POLN: variants seen among roughly 807,000 people sequenced by gnomAD.
POLN encodes the protein DNA polymerase N.
A neutral mutation model predicts 113.5 loss-of-function variants in POLN; 108 were observed. The ratio of observed to expected loss-of-function variants is 0.95; its 90% CI spans 0.81 to 1.12. The LOEUF is 1.12. Ranked by LOEUF, POLN falls within the 50% of genes most tolerant of loss-of-function variation. The pLI is 0.00. For missense variants in POLN, 1,097 were observed against 1,077.1 expected, an observed-to-expected ratio of 1.02 and a Z score of -0.26; for synonymous variants, 386 against 391.5, an observed-to-expected ratio of 0.99 and a Z score of 0.17.
intron 7 of POLN, among the ~76,000 whole-genome samples, chr4:2,189,505 G>A (rs1212265560): frequency 6.6e-6 from 1 of 151,508 alleles, no homozygotes; most frequent in African/African-American, 2.4e-5. Flanking sequence ...CAGGCATGGT[G>A]GCGGGCGCCT....
chr4:2,173,295 T>A (rs1175729400), intron 11 of POLN, among the ~76,000 whole-genome samples: 3 of 152,204 alleles, frequency 2.0e-5, no homozygotes, highest in Non-Finnish European at 4.4e-5. Flanking sequence ...TTAGCCTTTT[T>A]AAAAATTTGT....
chr4:2,080,613 C>G lies in POLN; in HGVS notation c.2387+345G>C, dbSNP rs1005136794. ...GCAGGGGTGGGGGCAGTTTGGAGTC[C>G]CCAGGGTCCTGCTCAAGGGGCTGAG... is the stretch of plus-strand genomic sequence containing the variant. On this transcript the variant is annotated intron_variant, in intron 23 of 25. Transcript: ENST00000511885. 1.2e-5 allele frequency: 15 copies of G among 1,230,742 alleles called. No homozygotes were observed. The East Asian group carries it at 4.2e-4, about 35-fold the overall frequency. 76.2% of individuals were successfully genotyped at this position (1,230,742 alleles called of 1,614,324 possible).
At chr4:2,199,251 A>G (rs1359449013) in intron 5 of POLN, among the ~76,000 whole-genome samples, 2 of 152,216 alleles carry the variant, frequency 1.3e-5, no homozygotes, top group East Asian at 3.8e-4. Flanking sequence ...TGTATGCTGA[A>G]AACTATAAAA....
In POLN at chr4:2,123,833, C is replaced by T. The variant is rs1027716004; in HGVS notation, c.1982+4280G>A. Among the ~76,000 whole-genome samples the T allele has an allele frequency of 2.6e-5, 4 of 151,532 alleles. No homozygotes were observed. The East Asian group carries it at 7.8e-4, about 29-fold the overall frequency. ...AAAAAACCAAAACCGAAGCCAAAAC[C>T]AAAACCAAACCTGTATACAAATGTG... On this transcript the variant is annotated intron_variant, in intron 19 of 25. Transcript: ENST00000511885.
intron 15 of POLN, 136 bp downstream of exon 15, chr4:2,157,722 C>CAAAAA (rs71644319): frequency 3.0e-5 from 4 of 134,688 alleles, no homozygotes; most frequent in Non-Finnish European, 4.0e-5. Context: ...GACTCTGTCT[C>CAAAAA]AAAAAAAAAA....
chr4:2,159,277 A>C lies in POLN; in HGVS notation c.1555-66T>G, dbSNP rs905458842. ...TTTAACATTTTAAACACGTATTTTC[A>C]TCTGGAGAAAGTCCTCATAATAAAT... is the stretch of plus-strand genomic sequence containing the variant. On this transcript the variant is annotated intron_variant, in intron 13 of 25. Transcript: ENST00000511885. The C allele has an allele frequency of 3.0e-6, 4 of 1,317,280 alleles. No individual in the cohort carries two copies. The African/African-American group carries it at 4.4e-5, about 15-fold the overall frequency. The allele number at this position is 1,317,280 out of a possible 1,614,324, so 81.6% of individuals were successfully genotyped here. A position where few individuals can be genotyped will look rare whatever the true frequency, so the allele number is the denominator to read the frequency against.
intron 16 of POLN, chr4:2,156,250 T>C (rs1732420994): frequency 2.9e-6 from 1 of 344,654 alleles, no homozygotes; most frequent in Admixed American, 3.9e-5. Flanking sequence ...TTTCTGTATC[T>C]AAGGAATTTT....
At chr4:2,096,442 T>C (rs1260142789) in intron 19 of POLN, among the ~76,000 whole-genome samples, 1 of 152,130 alleles carries the variant, frequency 6.6e-6, no homozygotes, top group African/African-American at 2.4e-5. Flanking sequence ...ACTCAGCATC[T>C]GACTGGCATG....
At chr4:2,173,508 C>CA (rs33977254) in intron 11 of POLN, among the ~76,000 whole-genome samples, 112,877 of 149,040 alleles carry the variant, frequency 0.76, 44,584 homozygotes, top group Non-Finnish European at 0.89. Context: ...TCATCTTTGC[C>CA]CCGCCCCGCC....
chr4:2,096,686 A>G (rs376600633), intron 19 of POLN, among the ~76,000 whole-genome samples: 13 of 129,892 alleles, frequency 1.0e-4, no homozygotes, highest in East Asian at 2.4e-4. Flanking sequence ...AGCCGAGAGA[A>G]AGAGAGAGAG....
chr4:2,081,881 G>A (rs995102468), intron 21 of POLN, 138 bp from the exon 22 acceptor site: 22 of 673,444 alleles, frequency 3.3e-5, no homozygotes, highest in African/African-American at 1.3e-4. Context: ...TGGGCCCTTC[G>A]GGTCTATCAT....
Position 2,174,727 on chromosome 4 carries a change from G to A in POLN, c.1273C>T (p.Arg425Cys), listed in dbSNP as rs9328764. The part of the protein sequence containing the change: ...LKDYGLWQLF[R>C]TLELPLIPIL... Reference sequence around the variant, plus strand: ...GGTATCAGAGGAAGCTCCAAAGTACGAAATAGTTGCCATAAACCATAATCC... The same window carrying A: ...GGTATCAGAGGAAGCTCCAAAGTACAAAATAGTTGCCATAAACCATAATCC... Residue 425 changes from arginine (R) to cysteine (C), a missense_variant, in exon 10 of 26, where the codon CGT becomes TGT. Transcript: ENST00000511885. 224,479 of 1,606,238 alleles carry A rather than the reference G, an allele frequency of 0.14. 24,550 individuals are homozygous for A. The highest frequency in any genetic ancestry group is 0.52 in the African/African-American group (38,860 of 74,410).
chr4:2,072,322 A>T, intron 25 of POLN, 23 bp from the exon 26 acceptor site: 1 of 1,512,862 alleles, frequency 6.6e-7, no homozygotes, highest in Non-Finnish European at 8.8e-7. Flanking sequence ...GCCAGAGGTG[A>T]GCCCCACGCC....
intron 6 of POLN, among the ~76,000 whole-genome samples, chr4:2,195,586 C>T (rs7666644): frequency 0.25 from 38,364 of 151,132 alleles, 7,727 homozygotes; most frequent in African/African-American, 0.54. Context: ...TGGACCCAAG[C>T]GATCCTCCAA....
intron 2 of POLN, chr4:2,230,661 G>GTA (rs1165385001): frequency 1.3e-5 from 2 of 151,582 alleles, no homozygotes; most frequent in Non-Finnish European, 2.9e-5. Flanking sequence ...GTTTTCTGAT[G>GTA]GTTATAGCTA....
At chr4:2,193,445 C>T in intron 6 of POLN, 129 bp from the exon 7 acceptor site, 1 of 591,600 alleles carries the variant, frequency 1.7e-6, no homozygotes. Flanking sequence ...TAAAGAATTC[C>T]AAGAGGTCAC....
In POLN at chr4:2,090,181, C is replaced by T. The variant is rs1198615627; in HGVS notation, c.2066-4437G>A. 8.1e-6 allele frequency: 8 copies of T among 981,972 alleles called. No homozygotes were observed. In the South Asian group the frequency reaches 1.3e-4, roughly 16 times the overall value. 60.8% of individuals were successfully genotyped at this position (981,972 alleles called of 1,614,324 possible). ...AACTTCAGAAGAAGAAAATAAGACT[C>T]CTTACCTTTTGCTATCTTTCCTGTA... On this transcript the variant is annotated intron_variant, in intron 20 of 25. Transcript: ENST00000511885.
chr4:2,118,302 T>C (rs191924824), intron 19 of POLN, among the ~76,000 whole-genome samples: 1 of 152,370 alleles, frequency 6.6e-6, no homozygotes, highest in Admixed American at 6.5e-5. Flanking sequence ...TTGGCCTTTG[T>C]TGCTCACAGG....
At chr4:2,159,269 G>T in intron 13 of POLN, 58 bp from the exon 14 acceptor site, 2 of 1,373,694 alleles carry the variant, frequency 1.5e-6, no homozygotes, top group Non-Finnish European at 2.1e-6. Flanking sequence ...TTTTAAACAC[G>T]TATTTTCATC....
Sources: allele counts gnomAD v4.1 joint callset (sites outside exome capture counted in the v4.1 genomes callset), GRCh38; gene constraint gnomAD v4.1.1; transcripts MANE v1.5; gene names NCBI Gene and HGNC (gene_info 2026-07-23, HGNC 2026-07-21).